SOX6: variants seen among roughly 807,000 people sequenced by gnomAD.
SOX6 encodes the protein SRY-box transcription factor 6, also known as transcription factor SOX-6.
In SOX6, 11 loss-of-function variants were observed where a neutral mutation model predicts 97.8. The observed-to-expected ratio is 0.11, with a 90% CI of 0.07 to 0.19. The LOEUF is 0.19. Among genes scored for constraint, SOX6 ranks in the 10% least tolerant of loss-of-function variants. The probability of loss-of-function intolerance (pLI) is 1.00; values close to 1 mark genes in which losing one functional copy is unlikely to be tolerated. For synonymous variants in SOX6, 360 were observed against 371.4 expected, an observed-to-expected ratio of 0.97 and a Z score of 0.35; for missense variants, 810 against 1,039.5, an observed-to-expected ratio of 0.78 and a Z score of 3.04.
rs541761347 is a variant in SOX6, at chr11:16,302,750, A to G, written c.445+15696T>C. Among the ~76,000 whole-genome samples, 3 of 151,700 alleles carry G rather than the reference A, an allele frequency of 2.0e-5. No individual in the cohort carries two copies. The East Asian group carries it at 5.9e-4, about 30-fold the overall frequency. ...ACACCCAACTAATTTTTCTATATTT[A>G]GTAGAGACAGGGTCCTGCCATTTTG... On this transcript the variant is annotated intron_variant, in intron 3 of 15. Transcript: ENST00000683767.
At chr11:16,427,922 T>C (rs1251911627) in intron 1 of SOX6, among the ~76,000 whole-genome samples, 1 of 152,104 alleles carries the variant, frequency 6.6e-6, no homozygotes, top group East Asian at 1.9e-4. Flanking sequence ...TCCACAATGG[T>C]TGAACTAGTT....
intron 2 of SOX6, among the ~76,000 whole-genome samples, chr11:16,724,863 A>T (rs192841175): frequency 3.9e-5 from 6 of 152,236 alleles, no homozygotes; most frequent in South Asian, 4.1e-4. Context: ...AAAAGATGAC[A>T]AATGTTGGCA....
chr11:16,056,622 C>T (rs1191176809), intron 9 of SOX6, among the ~76,000 whole-genome samples: 1 of 152,256 alleles, frequency 6.6e-6, no homozygotes, highest in East Asian at 1.9e-4. Context: ...CCTGCCTTTG[C>T]CTGGGATTCC....
chr11:16,199,295 A>G lies in SOX6; in HGVS notation c.536-12340T>C, dbSNP rs544142867. Among the ~76,000 whole-genome samples the G allele has an allele frequency of 7.2e-5, 11 of 152,284 alleles. No individual in the cohort carries two copies. In the East Asian group the frequency reaches 1.7e-3, roughly 24 times the overall value. On this transcript the variant is annotated intron_variant, in intron 4 of 15. Transcript: ENST00000683767. ...AGATAAAGAATTTGAACTAAAAAAC[A>G]TTCAATAAACACTTTTTTTTAGCAC...
intron 9 of SOX6, among the ~76,000 whole-genome samples, chr11:16,090,615 C>A (rs1437011768): frequency 1.3e-5 from 2 of 151,770 alleles, no homozygotes; most frequent in East Asian, 3.9e-4. Context: ...ATAGACAGAG[C>A]ACTCAACCAA....
intron 1 of SOX6, among the ~76,000 whole-genome samples, chr11:16,449,208 T>G (rs1466927): frequency 1 from 150,522 of 151,246 alleles, 74,906 homozygotes; most frequent in Middle Eastern, 1. Flanking sequence ...GTGAGGCATG[T>G]TGAACGAGCA....
chr11:16,262,750 A>G (rs1408679552), intron 3 of SOX6, among the ~76,000 whole-genome samples: 2 of 152,066 alleles, frequency 1.3e-5, no homozygotes, highest in African/African-American at 2.4e-5. Context: ...AACCAAAGGA[A>G]GAAAAACTGT....
At chr11:16,110,582 T>C (rs1437318624) in intron 7 of SOX6, among the ~76,000 whole-genome samples, 1 of 152,166 alleles carries the variant, frequency 6.6e-6, no homozygotes, top group Non-Finnish European at 1.5e-5. Context: ...TGAGTTTGAT[T>C]CATTTATATG....
At chr11:16,539,439 A>G (rs1157456454) in intron 4 of SOX6, among the ~76,000 whole-genome samples, 2 of 152,172 alleles carry the variant, frequency 1.3e-5, no homozygotes, top group Non-Finnish European at 2.9e-5. Flanking sequence ...TAAATTCAAA[A>G]GCTAGCAGAA....
intron 9 of SOX6, among the ~76,000 whole-genome samples, chr11:16,074,571 C>T (rs1021518302): frequency 7.2e-5 from 11 of 152,020 alleles, no homozygotes; most frequent in African/African-American, 2.7e-4. Flanking sequence ...CCAACAATGT[C>T]CCAACTGAGA....
intron 3 of SOX6, chr11:16,315,120 T>G (rs955971747): frequency 6.6e-6 from 1 of 152,036 alleles, no homozygotes; most frequent in African/African-American, 2.4e-5. Flanking sequence ...GTATTTTTAG[T>G]AGAGATGAGG....
At position 16,435,406 on chromosome 11, in the gene SOX6, T is replaced by C. The variant is rs184642079; in HGVS notation, c.-5+40909A>G. Among the ~76,000 whole-genome samples, 14 of 152,286 alleles carry C rather than the reference T, an allele frequency of 9.2e-5. No homozygotes were observed. The East Asian group carries it at 1.7e-3, about 19-fold the overall frequency. On this transcript the variant is annotated intron_variant, in intron 1 of 15. Transcript: ENST00000396356. ...TATAAAACACCAACTTGCAGGCTAA[T>C]AGCCAAAGCATAAAACTTGTATGTA...
intron 3 of SOX6, among the ~76,000 whole-genome samples, chr11:16,708,417 T>A (rs1432215260): frequency 1.3e-5 from 2 of 152,184 alleles, no homozygotes; most frequent in Admixed American, 6.5e-5. Context: ...AGTTTGATAG[T>A]TTGATGGTAT....
chr11:15,997,047 G>A (rs938672263), intron 13 of SOX6, among the ~76,000 whole-genome samples: 1 of 152,058 alleles, frequency 6.6e-6, no homozygotes, highest in Non-Finnish European at 1.5e-5. Flanking sequence ...TGAAAGAGGA[G>A]ATTTCACTGT....
intron 3 of SOX6, among the ~76,000 whole-genome samples, chr11:16,710,500 T>G (rs1438213815): frequency 3.3e-5 from 5 of 152,236 alleles, no homozygotes; most frequent in African/African-American, 1.2e-4. Flanking sequence ...CAGCATTCAA[T>G]GAAATCATCA....
At chr11:16,305,063 T>C (rs1026199579) in intron 3 of SOX6, among the ~76,000 whole-genome samples, 6 of 152,160 alleles carry the variant, frequency 3.9e-5, no homozygotes, top group Admixed American at 1.3e-4. Context: ...TAAAAAATTG[T>C]TCAGTTGGAC....
chr11:16,516,096 TA>T (rs1860966783), intron 4 of SOX6, among the ~76,000 whole-genome samples: 3 of 150,468 alleles, frequency 2.0e-5, no homozygotes, highest in Non-Finnish European at 4.4e-5. Context: ...AAGGCATTGG[TA>T]GCTTGATGGG....
intron 9 of SOX6, among the ~76,000 whole-genome samples, chr11:16,093,950 T>G (rs1008513929): frequency 5.3e-5 from 8 of 151,882 alleles, no homozygotes; most frequent in Non-Finnish European, 1.0e-4. Context: ...GGGAAACCCA[T>G]CTTTTAAACA....
intron 1 of SOX6, among the ~76,000 whole-genome samples, chr11:16,449,837 GA>G (rs1203558789): frequency 6.6e-6 from 1 of 152,138 alleles, no homozygotes; most frequent in Non-Finnish European, 1.5e-5. Flanking sequence ...AATGGAGGTA[GA>G]AAAAGTCAAA....
Sources: allele counts gnomAD v4.1 joint callset (sites outside exome capture counted in the v4.1 genomes callset), GRCh38; gene constraint gnomAD v4.1.1; transcripts MANE v1.5; gene names NCBI Gene and HGNC (gene_info 2026-07-23, HGNC 2026-07-21).